Variants in GPC6 observed in about 807,000 individuals in gnomAD.
GPC6 encodes glypican 6.
Under a neutral mutation model 55.2 loss-of-function variants are expected in GPC6, and 14 were observed. The ratio of observed to expected loss-of-function variants is 0.25; its 90% CI spans 0.17 to 0.40. The LOEUF is 0.40. Ranked by LOEUF, GPC6 falls within the 10% of genes least tolerant of loss-of-function variation. The pLI is 1.00. For missense variants in GPC6, 641 were observed against 708.5 expected (o/e 0.90, Z 1.08); for synonymous variants, 278 against 259.6 (o/e 1.07, Z -0.68).
intron 1 of GPC6, among the ~76,000 whole-genome samples, chr13:93,541,366 T>G (rs552888778): frequency 3.0e-5 from 4 of 132,616 alleles, no homozygotes; most frequent in Admixed American, 7.8e-5. Context: ...TCATCATTTT[T>G]TATGGCTGCA....
chr13:93,897,045 T>A (rs1876056370), intron 3 of GPC6, among the ~76,000 whole-genome samples: 1 of 151,606 alleles, frequency 6.6e-6, no homozygotes, highest in African/African-American at 2.4e-5. Flanking sequence ...GTATTAGCTA[T>A]GTGTGTGTGT....
chr13:94,117,726 C>T (rs118027328), intron 4 of GPC6, among the ~76,000 whole-genome samples: 23 of 152,200 alleles, frequency 1.5e-4, no homozygotes, highest in East Asian at 9.7e-4. Context: ...CATGGACCAA[C>T]GGTCAATTCT....
chr13:93,317,001 T>C (rs1425283816), intron 1 of GPC6, among the ~76,000 whole-genome samples: 1 of 152,096 alleles, frequency 6.6e-6, no homozygotes, highest in East Asian at 1.9e-4. Flanking sequence ...CATTTGCAAG[T>C]CAATAATTGT....
intron 2 of GPC6, among the ~76,000 whole-genome samples, chr13:93,585,534 T>C (rs909035905): frequency 6.6e-6 from 1 of 152,210 alleles, no homozygotes; most frequent in Admixed American, 6.5e-5. Context: ...CTTAGAAACC[T>C]AATAATAAAG....
At chr13:94,098,341 A>G (rs1386559200) in intron 4 of GPC6, among the ~76,000 whole-genome samples, 2 of 151,926 alleles carry the variant, frequency 1.3e-5, no homozygotes, top group East Asian at 3.8e-4. Flanking sequence ...GTAGACCAAT[A>G]CTGTTACTTT....
chr13:93,434,307 C>G lies in GPC6; in HGVS notation c.161-110956C>G, dbSNP rs571352380. ...TATAGACTGATATTATGCCTGGAGC[C>G]TCTGGATCTTCCCAGAAGAATATTA... On this transcript the variant is annotated intron_variant, in intron 1 of 8. Transcript: ENST00000377047. Among the ~76,000 whole-genome samples, 14 of 152,238 alleles carry G rather than the reference C, an allele frequency of 9.2e-5. No individual in the cohort carries two copies. The South Asian group carries it at 2.9e-3, about 32-fold the overall frequency.
intron 1 of GPC6, among the ~76,000 whole-genome samples, chr13:93,393,627 C>G (rs964860734): frequency 8.0e-6 from 1 of 125,684 alleles, no homozygotes; most frequent in Non-Finnish European, 2.0e-5. Context: ...GGACTTAGAC[C>G]TGTTCTCTCT....
chr13:93,242,906 A>G (rs1023860238), intron 1 of GPC6, among the ~76,000 whole-genome samples: 1 of 152,118 alleles, frequency 6.6e-6, no homozygotes, highest in Non-Finnish European at 1.5e-5. Context: ...AGGCATGTCT[A>G]CAAGGGATCC....
chr13:93,907,288 C>T (rs200422776), intron 3 of GPC6, among the ~76,000 whole-genome samples: 1 of 152,138 alleles, frequency 6.6e-6, no homozygotes, highest in East Asian at 1.9e-4. Context: ...TAATAATCCA[C>T]TGACTTAGCA....
chr13:93,766,755 T>C (rs1200056473), intron 2 of GPC6, among the ~76,000 whole-genome samples: 1 of 152,138 alleles, frequency 6.6e-6, no homozygotes, highest in African/African-American at 2.4e-5. Flanking sequence ...TTTGGGCATC[T>C]TGTTGAAACA....
intron 1 of GPC6, among the ~76,000 whole-genome samples, chr13:93,349,508 G>A (rs541156793): frequency 3.0e-4 from 45 of 152,216 alleles, no homozygotes; most frequent in African/African-American, 7.7e-4. Flanking sequence ...TATAATCTCC[G>A]TGTGATTAAT....
chr13:94,401,140 TA>T (rs1881112688), intron 8 of GPC6, among the ~76,000 whole-genome samples: 1 of 152,174 alleles, frequency 6.6e-6, no homozygotes, highest in Admixed American at 6.6e-5. Flanking sequence ...AAAAGTTGAG[TA>T]ACTGCCCAAA....
chr13:93,327,021 G>A (rs1469140922), intron 1 of GPC6, among the ~76,000 whole-genome samples: 3 of 152,320 alleles, frequency 2.0e-5, no homozygotes, highest in Admixed American at 2.0e-4. Context: ...GGAATCTTCA[G>A]CTTCTTGTTC....
At chr13:93,552,185 G>T (rs1875195757) in intron 2 of GPC6, among the ~76,000 whole-genome samples, 2 of 152,298 alleles carry the variant, frequency 1.3e-5, no homozygotes, top group African/African-American at 4.8e-5. Flanking sequence ...CTGAGTTTTA[G>T]AAATTAGAGA....
At chr13:94,121,224 TC>T (rs1566432856) in intron 4 of GPC6, among the ~76,000 whole-genome samples, 2 of 152,196 alleles carry the variant, frequency 1.3e-5, no homozygotes, top group African/African-American at 4.8e-5. Flanking sequence ...ACCACTTTCT[TC>T]CATTGTAATG....
At chr13:93,380,209 T>C (rs1201637202) in intron 1 of GPC6, among the ~76,000 whole-genome samples, 1 of 152,130 alleles carries the variant, frequency 6.6e-6, no homozygotes, top group South Asian at 2.1e-4. Context: ...TTCAGCCAAT[T>C]AAATTAGAAG....
At chr13:94,243,145 T>C (rs948719130) in intron 4 of GPC6, among the ~76,000 whole-genome samples, 3 of 152,108 alleles carry the variant, frequency 2.0e-5, no homozygotes, top group African/African-American at 7.2e-5. Context: ...TATATTTCCA[T>C]ATCAATTTCT....
chr13:93,952,828 T>C (rs138303231), intron 3 of GPC6, among the ~76,000 whole-genome samples: 572 of 148,302 alleles, frequency 3.9e-3, no homozygotes, highest in Non-Finnish European at 5.3e-3. Context: ...CACATATATA[T>C]ACGTATATAT....
intron 1 of GPC6, among the ~76,000 whole-genome samples, chr13:93,229,714 CT>C (rs79878029): frequency 0.014 from 2,006 of 144,844 alleles, 45 homozygotes; most frequent in East Asian, 0.1. Flanking sequence ...AATGTGTGCA[CT>C]TTTTTTTTTT....
Sources: gnomAD v4.1 joint callset for allele counts (sites outside exome capture counted in the v4.1 genomes callset) on GRCh38, gnomAD v4.1.1 for gene constraint, MANE v1.5 for transcripts, NCBI Gene and HGNC (gene_info 2026-07-23, HGNC 2026-07-21) for gene names.